Variants in CDH13 observed in about 807,000 individuals in gnomAD.
The protein encoded by CDH13 is cadherin 13, also known as cadherin-13.
CDH13 carries 24 observed loss-of-function variants against 63.8 expected under a neutral mutation model. The ratio of observed to expected loss-of-function variants is 0.38; its 90% confidence interval spans 0.27 to 0.53. The LOEUF (loss-of-function observed/expected upper bound fraction) is 0.53. Ranked by LOEUF, CDH13 falls within the 20% of genes least tolerant of loss-of-function variation. The pLI is 0.85. For synonymous variants in CDH13, 503 were observed against 355.3 expected (o/e 1.42, Z -4.67); for missense variants, 1,049 against 903.1 (o/e 1.16, Z -2.07).
intron 2 of CDH13, among the ~76,000 whole-genome samples, chr16:83,019,524 C>T: frequency 7.1e-6 from 1 of 141,084 alleles, no homozygotes; most frequent in Non-Finnish European, 1.5e-5. Context: ...GAGACAGGGT[C>T]TCGCTCTGTC....
At chr16:83,461,387 A>G (rs1248350193) in intron 6 of CDH13, among the ~76,000 whole-genome samples, 9 of 152,180 alleles carry the variant, frequency 5.9e-5, no homozygotes, top group African/African-American at 1.9e-4. Context: ...AGGGATGATG[A>G]TGATTGAATC....
At chr16:82,681,027 A>C (rs375100822) in intron 1 of CDH13, among the ~76,000 whole-genome samples, 2 of 152,234 alleles carry the variant, frequency 1.3e-5, no homozygotes, top group African/African-American at 4.8e-5. Context: ...TCAGAGCACA[A>C]ATGAGGATGC....
In CDH13 at chr16:83,313,471, C is replaced by T. The variant is rs561814503; in HGVS notation, c.637-31391C>T. Among the ~76,000 whole-genome samples, 31 of 152,262 alleles carry T rather than the reference C, an allele frequency of 2.0e-4. No individual in the cohort carries two copies. The South Asian group carries it at 6.0e-3, about 29-fold the overall frequency. ...AACAACTGCCTTTTCAGTAAGGTTA[C>T]TCTGTGCTAATAATTGAATAAAGCA... On this transcript the variant is annotated intron_variant, in intron 5 of 13. Coordinates refer to ENST00000567109, the MANE Select transcript of CDH13 (RefSeq NM_001257.5).
At chr16:83,366,664 A>C (rs2091263153) in intron 6 of CDH13, among the ~76,000 whole-genome samples, 2 of 152,072 alleles carry the variant, frequency 1.3e-5, no homozygotes, top group Admixed American at 1.3e-4. Context: ...TGACACCTAC[A>C]CCTAGAACAC....
In CDH13 at chr16:83,391,210, C is replaced by G. The variant is rs1402982531; in HGVS notation, c.781+46204C>G. On this transcript the variant is annotated intron_variant, in intron 6 of 13. Transcript: ENST00000567109. ...CATAAGATGTTAACCTGCCTACACA[C>G]TTTTTTTTTTTTTTGAGACAGCGTC... is the stretch of plus-strand genomic sequence containing the variant. Among the ~76,000 whole-genome samples, 4 of 144,598 alleles carry G rather than the reference C, an allele frequency of 2.8e-5. 1 individual carries two copies. In the Admixed American group the frequency reaches 2.8e-4, roughly 10 times the overall value. The allele number at this position is 144,598 out of a possible 152,430, so 94.9% of individuals were successfully genotyped here. A position where few individuals can be genotyped will look rare whatever the true frequency, so the allele number is the denominator to read the frequency against.
At chr16:83,183,096 A>C (rs8060422) in intron 4 of CDH13, among the ~76,000 whole-genome samples, 20,359 of 152,194 alleles carry the variant, frequency 0.13, 2,720 homozygotes, top group African/African-American at 0.35. Flanking sequence ...TTATAAACAG[A>C]CTTTATCTTA....
At chr16:83,213,581 G>A (rs1476528192) in intron 4 of CDH13, among the ~76,000 whole-genome samples, 1 of 152,198 alleles carries the variant, frequency 6.6e-6, no homozygotes, top group Non-Finnish European at 1.5e-5. Flanking sequence ...GCCCATTCTT[G>A]GGAAGCATGA....
At chr16:82,915,743 G>T (rs955449250) in intron 2 of CDH13, among the ~76,000 whole-genome samples, 3 of 151,558 alleles carry the variant, frequency 2.0e-5, no homozygotes, top group Non-Finnish European at 4.4e-5. Context: ...ACAGCTCCTT[G>T]TAAAGCTGAT....
chr16:83,792,743 A>T (rs1916357685), intron 13 of CDH13, among the ~76,000 whole-genome samples: 1 of 151,636 alleles, frequency 6.6e-6, no homozygotes, highest in Non-Finnish European at 1.5e-5. Context: ...CACCCTGACA[A>T]CATCAATGGC....
chr16:82,732,061 A>T (rs1412621581), intron 1 of CDH13, among the ~76,000 whole-genome samples: 1 of 152,146 alleles, frequency 6.6e-6, no homozygotes, highest in Admixed American at 6.6e-5. Context: ...TCAGTACCAA[A>T]TGAGTTCTTC....
chr16:83,361,704 T>C (rs1402364834), intron 6 of CDH13, among the ~76,000 whole-genome samples: 1 of 152,180 alleles, frequency 6.6e-6, no homozygotes, highest in Admixed American at 6.5e-5. Context: ...CATTGCTTAT[T>C]TGTATCGGCT....
intron 2 of CDH13, among the ~76,000 whole-genome samples, chr16:82,966,363 G>T (rs1907828175): frequency 6.6e-6 from 1 of 152,074 alleles, no homozygotes; most frequent in South Asian, 2.1e-4. Context: ...TGGCTAGGAT[G>T]GTCTCGATTT....
At chr16:83,056,462 A>G (rs1019205541) in intron 3 of CDH13, among the ~76,000 whole-genome samples, 9 of 151,992 alleles carry the variant, frequency 5.9e-5, no homozygotes, top group Non-Finnish European at 1.2e-4. Context: ...CCAAATACAT[A>G]GCAAAAAAAA....
At chr16:82,873,946 T>A (rs2040423583) in intron 2 of CDH13, among the ~76,000 whole-genome samples, 1 of 152,164 alleles carries the variant, frequency 6.6e-6, no homozygotes, top group African/African-American at 2.4e-5. Context: ...TCATGCTTGG[T>A]CTCTTTGAGC....
intron 1 of CDH13, among the ~76,000 whole-genome samples, chr16:82,847,897 T>TTA (rs2039330807): frequency 6.6e-6 from 1 of 150,570 alleles, no homozygotes; most frequent in Non-Finnish European, 1.5e-5. Flanking sequence ...GTGCTTCACT[T>TTA]TTTTTTTTTT....
intron 1 of CDH13, among the ~76,000 whole-genome samples, chr16:82,700,392 G>C (rs574592204): frequency 2.6e-5 from 4 of 152,264 alleles, no homozygotes; most frequent in South Asian, 4.1e-4. Context: ...GGAGATTTTT[G>C]AAAGTATCCC....
chr16:83,113,040 CCAACA>C (rs1348153756), intron 3 of CDH13, among the ~76,000 whole-genome samples: 4 of 152,138 alleles, frequency 2.6e-5, no homozygotes, highest in Non-Finnish European at 5.9e-5. Context: ...GGAGCGTGAG[CCAACA>C]CCAGATTGAC....
At chr16:83,513,572 A>G (rs2074625685) in intron 7 of CDH13, among the ~76,000 whole-genome samples, 1 of 152,176 alleles carries the variant, frequency 6.6e-6, no homozygotes, top group Admixed American at 6.5e-5. Context: ...AGGGAAAGTC[A>G]ACCGTCCTTC....
intron 1 of CDH13, among the ~76,000 whole-genome samples, chr16:82,693,687 C>T (rs750508227): frequency 2.0e-5 from 3 of 152,198 alleles, no homozygotes; most frequent in Non-Finnish European, 4.4e-5. Context: ...CACCCTGCCA[C>T]ATGTTAAAAG....
Sources: gnomAD v4.1 joint callset for allele counts (sites outside exome capture counted in the v4.1 genomes callset) on GRCh38, gnomAD v4.1.1 for gene constraint, MANE v1.5 for transcripts, NCBI Gene and HGNC (gene_info 2026-07-23, HGNC 2026-07-21) for gene names.